Variants in TAFA1 observed in about 807,000 individuals in gnomAD.
The protein encoded by TAFA1 is chemokine-like protein TAFA-1.
Under a neutral mutation model 18.5 loss-of-function variants are expected in TAFA1, and 4 were observed. That is an observed-to-expected ratio of 0.22 (90% CI 0.11 to 0.49). The LOEUF (loss-of-function observed/expected upper bound fraction) is 0.49. TAFA1 is among the 20% of genes least tolerant of loss of function. The pLI is 0.98. For synonymous variants in TAFA1, 56 were observed against 55.2 expected, an observed-to-expected ratio of 1.01 and a Z score of -0.06; for missense variants, 147 against 169.0, an observed-to-expected ratio of 0.87 and a Z score of 0.72.
chr3:68,308,390 C>T (rs2106668948), intron 2 of TAFA1, among the ~76,000 whole-genome samples: 1 of 152,034 alleles, frequency 6.6e-6, no homozygotes, highest in Admixed American at 6.6e-5. Flanking sequence ...CTATTTCTTC[C>T]CTATACTACC....
At chr3:68,010,283 T>C (rs1704445993) in intron 2 of TAFA1, among the ~76,000 whole-genome samples, 1 of 152,162 alleles carries the variant, frequency 6.6e-6, no homozygotes, top group African/African-American at 2.4e-5. Context: ...GTAATATTGA[T>C]GGTATTCAGA....
At chr3:67,994,326 C>T in the TAFA1 span, among the ~76,000 whole-genome samples, 3 of 152,212 alleles carry the variant, frequency 2.0e-5, no homozygotes, top group African/African-American at 7.2e-5. Context: ...CTAGGTAATA[C>T]AGTCCCAGGT....
chr3:68,191,090 C>G (rs2066334404), intron 2 of TAFA1, among the ~76,000 whole-genome samples: 1 of 151,682 alleles, frequency 6.6e-6, no homozygotes, highest in South Asian at 2.1e-4. Context: ...ACATGAAATC[C>G]CCATGTGAAG....
chr3:68,174,989 A>G (rs772003273), intron 2 of TAFA1, among the ~76,000 whole-genome samples: 21 of 152,208 alleles, frequency 1.4e-4, no homozygotes, highest in Non-Finnish European at 2.8e-4. Context: ...TGCTCCAGCC[A>G]TGGCTGAAAG....
chr3:68,439,626 C>G (rs946556788), intron 3 of TAFA1, among the ~76,000 whole-genome samples: 1 of 151,482 alleles, frequency 6.6e-6, no homozygotes, highest in African/African-American at 2.4e-5. Context: ...CCAGTCTAGT[C>G]TTCTCAGGTT....
intron 2 of TAFA1, among the ~76,000 whole-genome samples, chr3:68,108,638 A>G (rs999898062): frequency 6.6e-6 from 1 of 152,134 alleles, no homozygotes; most frequent in Non-Finnish European, 1.5e-5. Context: ...TCTAGACAGC[A>G]TAAAGCTTGA....
chr3:68,492,580 T>A (rs1450976143), intron 3 of TAFA1, among the ~76,000 whole-genome samples: 1 of 152,204 alleles, frequency 6.6e-6, no homozygotes, highest in African/African-American at 2.4e-5. Context: ...TATTGTAGTC[T>A]TTGATTCATG....
In TAFA1 at chr3:68,270,075, C is replaced by A. The variant is rs957762837; in HGVS notation, c.119-147205C>A. 1.2e-4 allele frequency among the ~76,000 whole-genome samples: 18 copies of A among 152,122 alleles called. No individual in the cohort carries two copies. In the East Asian group the frequency reaches 3.5e-3, roughly 29 times the overall value. On this transcript the variant is annotated intron_variant, in intron 2 of 4. Transcript: ENST00000478136. The stretch of plus-strand genomic sequence containing the variant: ...GAAACCACATCCAAATGTATTCCTC[C>A]CTTTCTTTGTGCCAAAGAGTTGGAG...
chr3:68,108,778 AATTT>A (rs1366119426), intron 2 of TAFA1, among the ~76,000 whole-genome samples: 1 of 152,150 alleles, frequency 6.6e-6, no homozygotes, highest in African/African-American at 2.4e-5. Flanking sequence ...TGAGTAGCTT[AATTT>A]GTCTTTTATT....
chr3:67,993,641 G>A, the TAFA1 span, among the ~76,000 whole-genome samples: 1 of 152,204 alleles, frequency 6.6e-6, no homozygotes, highest in African/African-American at 2.4e-5. Flanking sequence ...TAAGGTCTGT[G>A]TAAAGGGCTT....
intron 2 of TAFA1, among the ~76,000 whole-genome samples, chr3:68,385,563 T>A (rs554960863): frequency 6.6e-6 from 1 of 152,232 alleles, no homozygotes; most frequent in South Asian, 2.1e-4. Flanking sequence ...AAAGTTGTTA[T>A]AAAGACTGAA....
At chr3:68,405,046 G>T (rs1359421450) in intron 2 of TAFA1, among the ~76,000 whole-genome samples, 1 of 152,072 alleles carries the variant, frequency 6.6e-6, no homozygotes, top group Admixed American at 6.6e-5. Flanking sequence ...CTGGAGAAAA[G>T]AAATATCATA....
intron 2 of TAFA1, among the ~76,000 whole-genome samples, chr3:68,097,123 C>T (rs1270307371): frequency 2.6e-5 from 4 of 152,028 alleles, no homozygotes; most frequent in East Asian, 3.9e-4. Context: ...ATGCATTTTC[C>T]GACCTTGTGT....
chr3:68,128,977 A>C (rs1436819758), intron 2 of TAFA1, among the ~76,000 whole-genome samples: 2 of 152,240 alleles, frequency 1.3e-5, no homozygotes, highest in Non-Finnish European at 2.9e-5. Context: ...TCTCTAAATA[A>C]AAATCCCAAC....
At chr3:68,096,555 G>A (rs2065089440) in intron 2 of TAFA1, among the ~76,000 whole-genome samples, 1 of 152,080 alleles carries the variant, frequency 6.6e-6, no homozygotes, top group Non-Finnish European at 1.5e-5. Context: ...ATCCTGTAAG[G>A]TAGGAGCATT....
intron 2 of TAFA1, among the ~76,000 whole-genome samples, chr3:68,122,556 G>A (rs2065413675): frequency 6.6e-6 from 1 of 152,062 alleles, no homozygotes; most frequent in African/African-American, 2.4e-5. Flanking sequence ...TCCTGTATCA[G>A]GAGAGAAAAT....
At chr3:68,227,395 A>G (rs1230910879) in intron 2 of TAFA1, among the ~76,000 whole-genome samples, 2 of 152,222 alleles carry the variant, frequency 1.3e-5, no homozygotes, top group Non-Finnish European at 2.9e-5. Context: ...TACATGAAAA[A>G]TGAGGAAAGG....
chr3:68,000,474 T>C (rs1351956), upstream of TAFA1, among the ~76,000 whole-genome samples: 1 of 152,236 alleles, frequency 6.6e-6, no homozygotes, highest in East Asian at 1.9e-4. Context: ...GGATCCAAGA[T>C]AAGAGCCTAG....
intron 3 of TAFA1, among the ~76,000 whole-genome samples, chr3:68,480,455 A>G (rs919159892): frequency 6.6e-6 from 1 of 152,050 alleles, no homozygotes; most frequent in African/African-American, 2.4e-5. Flanking sequence ...TCTACTCAGG[A>G]CCAACTGAGT....
Sources: gnomAD v4.1 joint callset for allele counts (sites outside exome capture counted in the v4.1 genomes callset) on GRCh38, gnomAD v4.1.1 for gene constraint, MANE v1.5 for transcripts, NCBI Gene and HGNC (gene_info 2026-07-23, HGNC 2026-07-21) for gene names.